Variants in PLSCR1 observed in about 807,000 individuals in gnomAD.
PLSCR1 encodes the protein PL scramblase 1.
PLSCR1 carries 17 observed loss-of-function variants against 37.8 expected under a neutral mutation model. That is an observed-to-expected ratio of 0.45 (90% CI 0.31 to 0.68). The LOEUF is 0.68. Ranked by LOEUF, PLSCR1 falls within the 30% of genes least tolerant of loss-of-function variation. PLSCR1 has a pLI of 0.06. For synonymous variants in PLSCR1, 116 were observed against 125.9 expected, an observed-to-expected ratio of 0.92 and a Z score of 0.53; for missense variants, 347 against 380.9, an observed-to-expected ratio of 0.91 and a Z score of 0.74.
chr3:146,543,302 T>C (rs989641833), intron 1 of PLSCR1, among the ~76,000 whole-genome samples: 1 of 152,204 alleles, frequency 6.6e-6, no homozygotes, highest in African/African-American at 2.4e-5. Flanking sequence ...CTAAAGGCAG[T>C]TTGATCTATA....
intron 3 of PLSCR1, among the ~76,000 whole-genome samples, chr3:146,529,454 G>A (rs1009028085): frequency 6.6e-6 from 1 of 151,908 alleles, no homozygotes; most frequent in Admixed American, 6.6e-5. Flanking sequence ...ATGAAGAATT[G>A]TCCAGCCCAA....
chr3:146,531,247 A>G (rs1264558202), intron 3 of PLSCR1, among the ~76,000 whole-genome samples: 1 of 152,222 alleles, frequency 6.6e-6, no homozygotes, highest in Non-Finnish European at 1.5e-5. Flanking sequence ...ATAGGCCTTT[A>G]AAAATCTGAA....
chr3:146,522,164 T>A, intron 5 of PLSCR1, 111 bp from the exon 6 acceptor site: 1 of 697,512 alleles, frequency 1.4e-6, no homozygotes, highest in Admixed American at 2.3e-5. Context: ...CCAAGTGGCA[T>A]AAGGAGGAGA....
At chr3:146,527,061 C>A (rs1202196461) in intron 4 of PLSCR1, among the ~76,000 whole-genome samples, 2 of 151,946 alleles carry the variant, frequency 1.3e-5, no homozygotes, top group Non-Finnish European at 1.5e-5. Context: ...AGCTTGAACC[C>A]GGGAGGCGGA....
At chr3:146,516,435 T>C (rs62272712) in intron 8 of PLSCR1, 19,400 of 198,372 alleles carry the variant, frequency 0.098, 1,018 homozygotes, top group Middle Eastern at 0.12. Context: ...CTATATGAAC[T>C]TCGAAGTTTC....
chr3:146,540,194 T>C (rs1329345049), intron 1 of PLSCR1, among the ~76,000 whole-genome samples: 2 of 152,248 alleles, frequency 1.3e-5, no homozygotes, highest in African/African-American at 4.8e-5. Context: ...TATTGTACCA[T>C]TGGAATAATA....
intron 1 of PLSCR1, among the ~76,000 whole-genome samples, chr3:146,543,427 GT>G (rs1343237831): frequency 3.9e-5 from 6 of 152,092 alleles, no homozygotes; most frequent in African/African-American, 1.4e-4. Context: ...TACTATTGTT[GT>G]AAACAGGGTG....
chr3:146,527,800 G>A (rs994111715), intron 4 of PLSCR1: 12 of 152,172 alleles, frequency 7.9e-5, no homozygotes, highest in African/African-American at 2.9e-4. Flanking sequence ...AAAACTGGTT[G>A]AATATCACAA....
intron 7 of PLSCR1, 63 bp from the exon 8 acceptor site, chr3:146,517,230 T>G (rs2043959352): frequency 2.1e-6 from 2 of 942,648 alleles, no homozygotes; most frequent in Non-Finnish European, 3.1e-6. Flanking sequence ...TACTTTCAAA[T>G]TTGAAGTAAG....
At chr3:146,516,697 C>T (rs1195802869) in intron 8 of PLSCR1, 9 of 204,934 alleles carry the variant, frequency 4.4e-5, no homozygotes, top group Non-Finnish European at 8.7e-5. Context: ...CATATGCCTA[C>T]TTTCAACTTC....
chr3:146,516,718 C>T (rs1219816117), intron 8 of PLSCR1: 4 of 230,054 alleles, frequency 1.7e-5, no homozygotes, highest in Non-Finnish European at 3.3e-5. Context: ...TTCCTCAAAG[C>T]ATCTAGGAGA....
intron 2 of PLSCR1, among the ~76,000 whole-genome samples, chr3:146,535,532 A>G (rs2044255019): frequency 6.6e-6 from 1 of 152,216 alleles, no homozygotes; most frequent in South Asian, 2.1e-4. Flanking sequence ...ATGTATGTAT[A>G]TATACATATT....
intron 3 of PLSCR1, 130 bp downstream of exon 3, chr3:146,533,340 A>T (rs528142310): frequency 4.6e-5 from 21 of 454,148 alleles, no homozygotes; most frequent in Non-Finnish European, 6.8e-5. Flanking sequence ...ATATAATTTT[A>T]AAAAAAGAAC....
At chr3:146,520,110 C>T (rs2108621994) in intron 7 of PLSCR1, 1 of 152,146 alleles carries the variant, frequency 6.6e-6, no homozygotes, top group Non-Finnish European at 1.5e-5. Context: ...TTTCCATTGT[C>T]AACTCTATGG....
chr3:146,536,669 T>C (rs2044269978), intron 1 of PLSCR1, 104 bp from the exon 2 acceptor site: 6 of 684,556 alleles, frequency 8.8e-6, no homozygotes, highest in Non-Finnish European at 1.6e-5. Context: ...ATTCATAGGA[T>C]ATTCCTCTTT....
At chr3:146,534,560 C>T (rs2044240937) in intron 2 of PLSCR1, among the ~76,000 whole-genome samples, 2 of 152,150 alleles carry the variant, frequency 1.3e-5, no homozygotes, top group South Asian at 4.2e-4. Context: ...ATTGTTTCCC[C>T]CACCCCCTGC....
intron 4 of PLSCR1, 128 bp downstream of exon 4, chr3:146,528,486 G>T: frequency 1.4e-6 from 1 of 734,888 alleles, no homozygotes; most frequent in African/African-American, 1.7e-5. Context: ...AAGAATTAGA[G>T]TAATCTGTTA....
At chr3:146,523,455 G>C (rs2044061789) in intron 5 of PLSCR1, among the ~76,000 whole-genome samples, 1 of 152,158 alleles carries the variant, frequency 6.6e-6, no homozygotes, top group Non-Finnish European at 1.5e-5. Flanking sequence ...AAATCAATTG[G>C]TTTGAGACTG....
At chr3:146,528,455 T>G (rs1444010157) in intron 4 of PLSCR1, 159 bp downstream of exon 4, 3 of 634,920 alleles carry the variant, frequency 4.7e-6, no homozygotes, top group Non-Finnish European at 8.3e-6. Context: ...GTATTTTGCT[T>G]TAAAATTGAA....
Sources: allele counts gnomAD v4.1 joint callset (sites outside exome capture counted in the v4.1 genomes callset), GRCh38; gene constraint gnomAD v4.1.1; transcripts MANE v1.5; gene names NCBI Gene and HGNC (gene_info 2026-07-23, HGNC 2026-07-21).